PRKD1: variants seen among roughly 807,000 people sequenced by gnomAD.
PRKD1 encodes protein kinase D1, also known as serine/threonine-protein kinase D1.
Under a neutral mutation model 95.9 loss-of-function variants are expected in PRKD1, and 63 were observed. That is an observed-to-expected ratio of 0.66 (90% CI 0.54 to 0.81). The LOEUF (loss-of-function observed/expected upper bound fraction) is 0.81. Among genes scored for constraint, PRKD1 ranks in the 30% least tolerant of loss-of-function variants. The pLI is 0.00. For synonymous variants in PRKD1, 425 were observed against 423.1 expected, an observed-to-expected ratio of 1.00 and a Z score of -0.05; for missense variants, 1,048 against 1,165.3, an observed-to-expected ratio of 0.90 and a Z score of 1.47.
At chr14:29,902,965 T>C (rs1397728380) in intron 1 of PRKD1, among the ~76,000 whole-genome samples, 3 of 152,120 alleles carry the variant, frequency 2.0e-5, no homozygotes, top group African/African-American at 7.2e-5. Context: ...AAATGAAAAG[T>C]GGGAACAGAA....
intron 12 of PRKD1, 135 bp downstream of exon 12, chr14:29,626,349 G>T: frequency 1.4e-6 from 1 of 731,686 alleles, no homozygotes; most frequent in Non-Finnish European, 2.2e-6. Context: ...TTTAAACGCA[G>T]AACACAAAAA....
chr14:29,599,800 A>C lies in PRKD1; in HGVS notation c.1923T>G (p.Gly641=). 6.2e-7 allele frequency: 1 copy of C among 1,610,366 alleles called. No homozygotes were observed. The highest frequency in any genetic ancestry group is 8.5e-7 in the Non-Finnish European group (1 of 1,179,020). ...CAAACATACACTCCAAATTTACAAC[A>C]CCAGGGTGATGAAGGTTCTATTAAA... is the stretch of plus-strand genomic sequence containing the variant. ...VAILQNLHHP[G]VVNLECMFET... The change falls in exon 14 of 18, where the codon GGT becomes GGG. Residue 641 remains glycine, a synonymous_variant. Coordinates refer to ENST00000331968, the MANE Select transcript of PRKD1 (RefSeq NM_002742.3).
chr14:29,867,767 G>C (rs1438254406), intron 1 of PRKD1, among the ~76,000 whole-genome samples: 1 of 152,174 alleles, frequency 6.6e-6, no homozygotes, highest in African/African-American at 2.4e-5. Flanking sequence ...TGCAGAGCCT[G>C]GCATATAGGA....
At chr14:29,711,627 A>G (rs1357758901) in intron 2 of PRKD1, among the ~76,000 whole-genome samples, 2 of 152,168 alleles carry the variant, frequency 1.3e-5, no homozygotes, top group Non-Finnish European at 2.9e-5. Flanking sequence ...TAAATCGCCA[A>G]GCAAAACGTA....
intron 4 of PRKD1, among the ~76,000 whole-genome samples, chr14:29,643,369 AT>A (rs1461617052): frequency 6.6e-6 from 1 of 152,216 alleles, no homozygotes; most frequent in African/African-American, 2.4e-5. Flanking sequence ...TAAAATAAAA[AT>A]TATGAAGATC....
At chr14:29,718,299 T>C (rs1283207534) in intron 2 of PRKD1, among the ~76,000 whole-genome samples, 1 of 152,128 alleles carries the variant, frequency 6.6e-6, no homozygotes, top group African/African-American at 2.4e-5. Flanking sequence ...GTTTTATAGA[T>C]GGTAGTTTTC....
chr14:29,801,294 A>G (rs1422107161), intron 1 of PRKD1, among the ~76,000 whole-genome samples: 1 of 152,230 alleles, frequency 6.6e-6, no homozygotes, highest in Non-Finnish European at 1.5e-5. Flanking sequence ...AGCTTACTGA[A>G]TATGGATGTT....
intron 1 of PRKD1, among the ~76,000 whole-genome samples, chr14:29,734,842 T>G (rs891156412): frequency 2.0e-5 from 3 of 152,194 alleles, no homozygotes; most frequent in Non-Finnish European, 4.4e-5. Flanking sequence ...CCTGTTGGCT[T>G]GGCCTCCCTG....
intron 2 of PRKD1, among the ~76,000 whole-genome samples, chr14:29,705,802 C>G (rs1442195472): frequency 1.3e-5 from 2 of 152,072 alleles, no homozygotes; most frequent in Non-Finnish European, 2.9e-5. Flanking sequence ...AGTATCTTTA[C>G]TTCATTTTTA....
chr14:29,776,061 C>G (rs1048008319), intron 1 of PRKD1, among the ~76,000 whole-genome samples: 1 of 152,140 alleles, frequency 6.6e-6, no homozygotes, highest in Non-Finnish European at 1.5e-5. Context: ...CCAGCAAACT[C>G]CAACAGACCT....
At chr14:29,837,121 C>T (rs1424081763) in intron 1 of PRKD1, among the ~76,000 whole-genome samples, 3 of 152,200 alleles carry the variant, frequency 2.0e-5, no homozygotes, top group Admixed American at 2.0e-4. Context: ...TCATGCACCT[C>T]CACACCATAA....
chr14:29,625,459 G>T lies in PRKD1; in HGVS notation c.1798+1025C>A, dbSNP rs896377237. 7.9e-5 allele frequency among the ~76,000 whole-genome samples: 12 copies of T among 152,086 alleles called. 1 individual carries two copies. Among genetic ancestry groups the T allele is most frequent in the African/African-American group, 2.7e-4 (11 of 41,422 alleles). On this transcript the variant is annotated intron_variant, in intron 12 of 17. Coordinates refer to ENST00000331968, the MANE Select transcript of PRKD1 (RefSeq NM_002742.3). ...TGTTCCAAATTATCTGGCATCTGCTGGTCTCTCTACTCTCATTTGTCACCC... is the reference window on the plus strand; with the variant it reads ...TGTTCCAAATTATCTGGCATCTGCTTGTCTCTCTACTCTCATTTGTCACCC...
chr14:29,671,946 G>T (rs1021834599), intron 2 of PRKD1, among the ~76,000 whole-genome samples: 3 of 152,198 alleles, frequency 2.0e-5, no homozygotes, highest in Admixed American at 6.5e-5. Context: ...AAAGATAAAA[G>T]AGAGAGATAA....
At chr14:29,799,723 C>T (rs1889950582) in intron 1 of PRKD1, among the ~76,000 whole-genome samples, 1 of 152,214 alleles carries the variant, frequency 6.6e-6, no homozygotes, top group Admixed American at 6.5e-5. Flanking sequence ...TTTGCAAATT[C>T]ATCTACTTGC....
intron 1 of PRKD1, among the ~76,000 whole-genome samples, chr14:29,829,712 C>T (rs1160500897): frequency 6.6e-6 from 1 of 152,176 alleles, no homozygotes; most frequent in Non-Finnish European, 1.5e-5. Flanking sequence ...TCTTGTTCAA[C>T]TTCCCCACTT....
chr14:29,666,057 A>T lies in PRKD1; in HGVS notation c.535+20T>A. The T allele has an allele frequency of 1.3e-6, 2 of 1,574,984 alleles. No individual in the cohort carries two copies. The highest frequency in any genetic ancestry group is 8.7e-7 in the Non-Finnish European group (1 of 1,152,602). ...GGAGAACAGCACACATTTAACTTGC[A>T]TGGGAAGAAAATAACTTACCTTCAC... On this transcript the variant is annotated intron_variant, in intron 3 of 17. Coordinates refer to ENST00000331968, the MANE Select transcript of PRKD1 (RefSeq NM_002742.3).
intron 1 of PRKD1, among the ~76,000 whole-genome samples, chr14:29,923,033 C>A (rs184147495): frequency 6.6e-6 from 1 of 151,760 alleles, no homozygotes; most frequent in Non-Finnish European, 1.5e-5. Flanking sequence ...GAGTTCCAGA[C>A]CAGCCTGGGC....
At chr14:29,731,949 T>C (rs1276595899) in intron 1 of PRKD1, among the ~76,000 whole-genome samples, 2 of 151,878 alleles carry the variant, frequency 1.3e-5, no homozygotes, top group Admixed American at 1.3e-4. Context: ...TCTTGGCTTA[T>C]GGCAACCTCC....
intron 1 of PRKD1, among the ~76,000 whole-genome samples, chr14:29,861,018 A>T (rs1594583878): frequency 6.6e-6 from 1 of 151,274 alleles, no homozygotes; most frequent in Admixed American, 6.6e-5. Flanking sequence ...GATGAAATGG[A>T]CCTCCCCTTC....
Sources: gnomAD v4.1 joint callset for allele counts (sites outside exome capture counted in the v4.1 genomes callset) on GRCh38, gnomAD v4.1.1 for gene constraint, MANE v1.5 for transcripts, NCBI Gene and HGNC (gene_info 2026-07-23, HGNC 2026-07-21) for gene names.